The following FHOD3 variants were observed in gnomAD, a reference collection of about 807,000 sequenced individuals.
FHOD3 encodes FH1/FH2 domain-containing protein 3.
A neutral mutation model predicts 173.0 loss-of-function variants in FHOD3; 90 were observed. That is an observed-to-expected ratio of 0.52 (90% CI 0.44 to 0.62). FHOD3 has a LOEUF of 0.62. Among genes scored for constraint, FHOD3 ranks in the 20% least tolerant of loss-of-function variants. The pLI is 0.00. For missense variants in FHOD3, 1,945 were observed against 2,034.7 expected, an observed-to-expected ratio of 0.96 and a Z score of 0.85; for synonymous variants, 828 against 823.0, an observed-to-expected ratio of 1.01 and a Z score of -0.10.
rs760500987 is a variant in FHOD3, at chr18:36,718,438, C to A, written c.3140C>A (p.Pro1047His). 3.7e-6 allele frequency: 6 copies of A among 1,610,004 alleles called. No homozygotes were observed. Among genetic ancestry groups the A allele is most frequent in the Admixed American group, 3.3e-5 (2 of 59,928 alleles). ...CCCCTGTTGGACAGCATTCCTCCCC[C>A]TCCTGTCCCTGGTAATTTATTGGTT... ...PPPLLDSIPP[P>H]PVPGNLLVPP... Residue 1047 changes from proline to histidine, a missense_variant, in exon 19 of 29, where the codon CCT (proline) becomes CAT (histidine). Pro to His is a moderately conservative substitution (Grantham distance 77). Coordinates refer to ENST00000590592, the MANE Select transcript of FHOD3 (RefSeq NM_001281740.3).
At chr18:36,378,972 A>G (rs1484472935) in intron 3 of FHOD3, among the ~76,000 whole-genome samples, 1 of 152,210 alleles carries the variant, frequency 6.6e-6, no homozygotes, top group Non-Finnish European at 1.5e-5. Context: ...GGCATGAGCC[A>G]CCGTGTCTGG....
intron 3 of FHOD3, among the ~76,000 whole-genome samples, chr18:36,451,877 G>T (rs1323696582): frequency 3.9e-5 from 6 of 152,294 alleles, no homozygotes; most frequent in East Asian, 3.9e-4. Flanking sequence ...GGGTTCTGAG[G>T]GGGGTAGTGC....
chr18:36,355,324 G>A (rs1035028393), intron 1 of FHOD3, among the ~76,000 whole-genome samples: 2 of 152,160 alleles, frequency 1.3e-5, no homozygotes, highest in East Asian at 3.9e-4. Flanking sequence ...GGATGCTGTC[G>A]ATGTCACTCT....
intron 2 of FHOD3, among the ~76,000 whole-genome samples, chr18:36,369,415 G>A (rs991674249): frequency 2.7e-4 from 37 of 138,200 alleles, no homozygotes; most frequent in African/African-American, 9.9e-4. Context: ...TCTTATGGTG[G>A]ATGTCCTTTG....
chr18:36,546,777 GAC>G (rs2057425743), intron 5 of FHOD3, among the ~76,000 whole-genome samples: 1 of 152,208 alleles, frequency 6.6e-6, no homozygotes, highest in African/African-American at 2.4e-5. Context: ...GCTGTGAGGG[GAC>G]ACAGCGTAGG....
chr18:36,431,722 G>A, intron 3 of FHOD3, among the ~76,000 whole-genome samples: 1 of 152,182 alleles, frequency 6.6e-6, no homozygotes, highest in South Asian at 2.1e-4. Flanking sequence ...ACTATAATTT[G>A]GGTTATGTAA....
chr18:36,333,988 G>C (rs1464859634), intron 1 of FHOD3, among the ~76,000 whole-genome samples: 1 of 152,136 alleles, frequency 6.6e-6, no homozygotes, highest in East Asian at 1.9e-4. Flanking sequence ...GCCAAGGTCA[G>C]ATGTGCTGCC....
chr18:36,409,548 GGCTCAGA>G (rs2049244752), intron 3 of FHOD3, among the ~76,000 whole-genome samples: 1 of 152,066 alleles, frequency 6.6e-6, no homozygotes, highest in South Asian at 2.1e-4. Flanking sequence ...CCCTCTACTG[GGCTCAGA>G]GCCCATTGAC....
intron 6 of FHOD3, among the ~76,000 whole-genome samples, chr18:36,581,452 G>A (rs549686936): frequency 1.3e-5 from 2 of 152,322 alleles, no homozygotes; most frequent in South Asian, 2.1e-4. Flanking sequence ...GCCTCAGGGC[G>A]CTGGCATGGA....
At chr18:36,622,172 G>A (rs1288834088) in intron 9 of FHOD3, among the ~76,000 whole-genome samples, 4 of 152,166 alleles carry the variant, frequency 2.6e-5, no homozygotes, top group Non-Finnish European at 5.9e-5. Context: ...ATTACCAGGG[G>A]CTAAGGAGAG....
intron 3 of FHOD3, among the ~76,000 whole-genome samples, chr18:36,482,928 C>A (rs1171073603): frequency 2.0e-5 from 3 of 151,042 alleles, no homozygotes; most frequent in Admixed American, 6.6e-5. Flanking sequence ...GCCAGGTTTA[C>A]AATGCATGAC....
chr18:36,624,504 A>T (rs1382367216), intron 9 of FHOD3, among the ~76,000 whole-genome samples: 2 of 152,142 alleles, frequency 1.3e-5, no homozygotes, highest in Non-Finnish European at 2.9e-5. Context: ...GTCATCATGG[A>T]TAAGGAGCAG....
rs184301590 is a variant in FHOD3 at position 36,654,601 on chromosome 18, C to T, written c.1721+1185C>T. The stretch of plus-strand genomic sequence containing the variant: ...AGAAGCCTGATTTCATGTTTCAGTT[C>T]AAATAAGCGAGCTCATACGCATCCC... On this transcript the variant is annotated intron_variant, in intron 13 of 28. Coordinates refer to ENST00000590592, the MANE Select transcript of FHOD3 (RefSeq NM_001281740.3). Among the ~76,000 whole-genome samples the T allele has an allele frequency of 3.2e-3, 487 of 152,216 alleles. 2 individuals are homozygous for T. Among genetic ancestry groups the T allele is most frequent in the Non-Finnish European group, 3.4e-3 (233 of 68,010 alleles).
At chr18:36,759,674 C>G (rs1413334758) in intron 26 of FHOD3, among the ~76,000 whole-genome samples, 1 of 152,178 alleles carries the variant, frequency 6.6e-6, no homozygotes, top group Non-Finnish European at 1.5e-5. Flanking sequence ...TCCCTAGACC[C>G]TGGATGCAGG....
At chr18:36,461,158 C>T (rs1158346076) in intron 3 of FHOD3, among the ~76,000 whole-genome samples, 1 of 152,102 alleles carries the variant, frequency 6.6e-6, no homozygotes, top group Non-Finnish European at 1.5e-5. Flanking sequence ...GTTTCTGTGC[C>T]ATGCTCTGGG....
chr18:36,350,149 T>C (rs2046054191), intron 1 of FHOD3, among the ~76,000 whole-genome samples: 2 of 152,188 alleles, frequency 1.3e-5, no homozygotes, highest in Admixed American at 1.3e-4. Context: ...TTGCATAGTG[T>C]CTCTACAAGG....
chr18:36,349,856 C>G (rs2046037305), intron 1 of FHOD3, among the ~76,000 whole-genome samples: 1 of 152,134 alleles, frequency 6.6e-6, no homozygotes, highest in Admixed American at 6.5e-5. Context: ...ACCTCTGCCT[C>G]CCTGGTTCAA....
At chr18:36,758,876 C>T (rs768765016) in intron 25 of FHOD3, among the ~76,000 whole-genome samples, 1 of 152,152 alleles carries the variant, frequency 6.6e-6, no homozygotes, top group Admixed American at 6.5e-5. Flanking sequence ...AAGATTGGCC[C>T]GGAGCCGTGT....
chr18:36,426,907 A>G (rs2050276564), intron 3 of FHOD3, among the ~76,000 whole-genome samples: 1 of 152,202 alleles, frequency 6.6e-6, no homozygotes, highest in Admixed American at 6.5e-5. Flanking sequence ...ACCACCAACC[A>G]GTGAGATAGG....
Sources: allele counts gnomAD v4.1 joint callset (sites outside exome capture counted in the v4.1 genomes callset), GRCh38; gene constraint gnomAD v4.1.1; transcripts MANE v1.5; gene names NCBI Gene and HGNC (gene_info 2026-07-23, HGNC 2026-07-21).